The following RNF222 variants were observed in gnomAD, a reference collection of about 807,000 sequenced individuals.
RNF222 encodes the protein ring finger protein 222.
A neutral mutation model predicts 10.8 loss-of-function variants in RNF222; 14 were observed. The ratio of observed to expected loss-of-function variants is 1.30; its 90% CI spans 0.86 to 2.03. RNF222 has a LOEUF of 2.03. RNF222 is among the 30% of genes most tolerant of loss of function. RNF222 has a pLI of 0.00. For synonymous variants in RNF222, 141 were observed against 142.5 expected, an observed-to-expected ratio of 0.99 and a Z score of 0.07; for missense variants, 298 against 295.8, an observed-to-expected ratio of 1.01 and a Z score of -0.06.
chr17:8,393,366 G>C lies in RNF222; in HGVS notation c.96C>G (p.Ser32Arg), dbSNP rs561309839. The change falls in exon 3 of 3, where the codon AGC (serine) becomes AGG (arginine). Residue 32 changes from serine to arginine, a missense_variant. Physicochemically the swap from Ser to Arg is moderately radical, Grantham distance 110. Transcript: ENST00000399398. The stretch of plus-strand genomic sequence containing the variant: ...AGTCATGGCAGAACACATGGCCACA[G>C]CTCAGCGTCCGGCTGGCGCCCTCCA... The part of the protein sequence containing the change: ...RDLEGASRTL[S>R]CGHVFCHDCL... The C allele has an allele frequency of 5.8e-6, 9 of 1,551,720 alleles. No homozygotes were observed. In the Admixed American group the frequency reaches 1.4e-4, roughly 24 times the overall value.
rs1567711652 is a variant in RNF222, at chr17:8,393,123, G to C, written c.339C>G (p.Ser113=). Residue 113 remains serine (S), a synonymous_variant, in exon 3 of 3, where the codon TCC becomes TCG. Transcript: ENST00000399398. The part of the protein sequence containing the change: ...LGHTNPLAAS[S]PAWRPPPGQA... ...GGCCTGGAGGTGGCCTCCAGGCAGG[G>C]GAGGAGGCGGCCAGGGGGTTTGTGT... 1 of 1,533,054 alleles carries C rather than the reference G, an allele frequency of 6.5e-7. No homozygotes were observed. The highest frequency in any genetic ancestry group is 1.4e-5 in the African/African-American group (1 of 72,864). 95.0% of individuals were successfully genotyped at this position (1,533,054 alleles called of 1,614,324 possible).
At chr17:8,395,138 C>T (rs1275037035) in intron 1 of RNF222, among the ~76,000 whole-genome samples, 1 of 152,102 alleles carries the variant, frequency 6.6e-6, no homozygotes, top group Non-Finnish European at 1.5e-5. Flanking sequence ...TCTATTTTGC[C>T]GAGTTGAAAA....
chr17:8,393,537 C>T (rs745671370), intron 2 of RNF222, 51 bp from the exon 3 acceptor site: 14 of 1,481,110 alleles, frequency 9.5e-6, no homozygotes, highest in Non-Finnish European at 1.3e-5. Flanking sequence ...TTTCCCTCCC[C>T]CGTCCTAACT....
chr17:8,396,763 C>CTT (rs374036629), intron 1 of RNF222, among the ~76,000 whole-genome samples: 53 of 152,332 alleles, frequency 3.5e-4, no homozygotes, highest in African/African-American at 1.0e-3. Context: ...ACCCCTCCCT[C>CTT]TGCCTCTCTC....
rs551077740 is a variant in RNF222, at chr17:8,393,538, C to T, written c.-25-52G>A. 3.6e-5 allele frequency: 53 copies of T among 1,478,220 alleles called. No individual in the cohort carries two copies. The South Asian group carries it at 3.7e-4, about 10-fold the overall frequency. 91.6% of individuals were successfully genotyped at this position (1,478,220 alleles called of 1,614,324 possible). A position where few individuals can be genotyped will look rare whatever the true frequency, so the allele number is the denominator to read the frequency against. On this transcript the variant is annotated intron_variant, in intron 2 of 2. Coordinates refer to ENST00000399398, the MANE Select transcript of RNF222 (RefSeq NM_001146684.3). ...TGGGGCATTTCCTCTTTCCCTCCCC[C>T]GTCCTAACTCCCACCTACACCTCTG...
chr17:8,394,452 T>G (rs1300305099), intron 1 of RNF222, 123 bp from the exon 2 acceptor site: 1 of 151,988 alleles, frequency 6.6e-6, no homozygotes, highest in Admixed American at 6.6e-5. Flanking sequence ...TTTTTTTTTT[T>G]TTTGAGAGGG....
At chr17:8,396,267 G>T (rs919634227) in intron 1 of RNF222, among the ~76,000 whole-genome samples, 2 of 152,142 alleles carry the variant, frequency 1.3e-5, no homozygotes, top group Admixed American at 1.3e-4. Flanking sequence ...TGAGGTGACC[G>T]GTGAAGGTGA....
rs1907919819 is a variant in RNF222, at chr17:8,393,240, G to A, written c.222C>T (p.Ser74=). 4 of 1,551,032 alleles carry A rather than the reference G, an allele frequency of 2.6e-6. No individual in the cohort carries two copies. The African/African-American group carries it at 4.1e-5, about 16-fold the overall frequency. ...CRYVTFLSKK[S]SRWPSMLDKS... ...TGTCCAGCATGGAGGGCCAGCGGGA[G>A]CTCTTCTTGCTGAGGAATGTGACGT... Residue 74 remains serine (S), a synonymous_variant, in exon 3 of 3, where the codon AGC becomes AGT. Transcript: ENST00000399398.
In RNF222 at chr17:8,392,659, A is replaced by G; in HGVS notation, c.*140T>C. On this transcript the variant is annotated 3_prime_UTR_variant, in exon 3 of 3. Coordinates refer to ENST00000399398, the MANE Select transcript of RNF222 (RefSeq NM_001146684.3). The surrounding 1 kb of genome is among the most constrained non-coding windows in gnomAD (Gnocchi z 4.3). ...CGGAAGCCCCTGCGGGGGTCGGGGA[A>G]GCCCAAGGCCCTCTCTGTGCCCAGG... 3 of 1,077,126 alleles carry G rather than the reference A, an allele frequency of 2.8e-6. No individual in the cohort carries two copies. The highest frequency in any genetic ancestry group is 3.8e-6 in the Non-Finnish European group (3 of 779,568). 66.7% of individuals were successfully genotyped at this position (1,077,126 alleles called of 1,614,324 possible).
Position 8,393,396 on chromosome 17 carries a change from C to T in RNF222, c.66G>A (p.Arg22=). The T allele has an allele frequency of 6.4e-7, 1 of 1,551,684 alleles. No homozygotes were observed. Among genetic ancestry groups the T allele is most frequent in the Non-Finnish European group, 8.7e-7 (1 of 1,146,976 alleles). Reference sequence around the variant, plus strand: ...GCGTCCGGCTGGCGCCCTCCAGGTCCCGGAACTTCTCATAGCACACGGGGC... The same window carrying T: ...GCGTCCGGCTGGCGCCCTCCAGGTCTCGGAACTTCTCATAGCACACGGGGC... ...SECPVCYEKF[R]DLEGASRTLS... Residue 22 remains arginine (R), a synonymous_variant, in exon 3 of 3, where the codon CGG becomes CGA. Transcript: ENST00000399398.
intron 1 of RNF222, among the ~76,000 whole-genome samples, chr17:8,397,269 A>G (rs1908066379): frequency 6.6e-6 from 1 of 152,132 alleles, no homozygotes; most frequent in Non-Finnish European, 1.5e-5. Flanking sequence ...GTTTAGAGTG[A>G]CCCTAAACAA....
Position 8,393,113 on chromosome 17 carries a change from T to C in RNF222, c.349A>G (p.Arg117Gly), listed in dbSNP as rs1440706377. ...NPLAASSPAW[R>G]PPPGQARPPG... Reference sequence around the variant, plus strand: ...GGCCTGGCCTGGCCTGGAGGTGGCCTCCAGGCAGGGGAGGAGGCGGCCAGG... The same window carrying C: ...GGCCTGGCCTGGCCTGGAGGTGGCCCCCAGGCAGGGGAGGAGGCGGCCAGG... Residue 117 changes from arginine to glycine, a missense_variant, in exon 3 of 3, where the codon AGG becomes GGG. Transcript: ENST00000399398. 5 of 1,523,206 alleles carry C rather than the reference T, an allele frequency of 3.3e-6. No homozygotes were observed. The Admixed American group carries it at 8.2e-5, about 25-fold the overall frequency. The allele number at this position is 1,523,206 out of a possible 1,614,324, so 94.4% of individuals were successfully genotyped here.
chr17:8,396,142 A>G (rs1328783344), intron 1 of RNF222, among the ~76,000 whole-genome samples: 1 of 152,206 alleles, frequency 6.6e-6, no homozygotes, highest in Non-Finnish European at 1.5e-5. Flanking sequence ...CAAGGCTGAC[A>G]AGAAGAGCAA....
intron 1 of RNF222, among the ~76,000 whole-genome samples, chr17:8,396,640 C>T (rs1017268315): frequency 6.6e-6 from 1 of 152,132 alleles, no homozygotes; most frequent in African/African-American, 2.4e-5. Flanking sequence ...CAACGATGGC[C>T]TCTCTGGGCA....
Position 8,392,861 on chromosome 17 carries a change from C to A in RNF222, c.601G>T (p.Ala201Ser). The A allele has an allele frequency of 1.3e-6, 2 of 1,533,430 alleles. No individual in the cohort carries two copies. The highest frequency in any genetic ancestry group is 1.7e-6 in the Non-Finnish European group (2 of 1,146,322). The allele number at this position is 1,533,430 out of a possible 1,614,324, so 95.0% of individuals were successfully genotyped here. ...SRALLLITLI[A>S]VVAVVAAILP... is the part of the protein sequence containing the mutation. ...ATGGCGGCCACCACGGCCACCACAGCGATGAGCGTGATGAGCAGCAGGGCC... is the reference window on the plus strand; with the variant it reads ...ATGGCGGCCACCACGGCCACCACAGAGATGAGCGTGATGAGCAGCAGGGCC... The change falls in exon 3 of 3, where the codon GCT becomes TCT. Residue 201 changes from alanine (A) to serine (S), a missense_variant. By Grantham distance (99) the Ala-to-Ser change is moderately conservative (BLOSUM62 1). Coordinates refer to ENST00000399398, the MANE Select transcript of RNF222 (RefSeq NM_001146684.3). This position sits in a 1 kb window ranked among gnomAD's most constrained non-coding sequence, Gnocchi z 4.3.
At chr17:8,397,460 G>A (rs1435045158) in intron 1 of RNF222, among the ~76,000 whole-genome samples, 1 of 152,166 alleles carries the variant, frequency 6.6e-6, no homozygotes, top group Admixed American at 6.5e-5. Context: ...CAGCACAGGA[G>A]CCAGTGGGAC....
In RNF222 at chr17:8,393,207, G is replaced by C; in HGVS notation, c.255C>G (p.Ser85=). Residue 85 remains serine (S), a synonymous_variant, in exon 3 of 3, where the codon TCC becomes TCG. Coordinates refer to ENST00000399398, the MANE Select transcript of RNF222 (RefSeq NM_001146684.3). Reference sequence around the variant, plus strand: ...GGCCCACGGGCACAGCCAGCGTCTGGGAGCTCTTGTCCAGCATGGAGGGCC... The same window carrying C: ...GGCCCACGGGCACAGCCAGCGTCTGCGAGCTCTTGTCCAGCATGGAGGGCC... ...SRWPSMLDKS[S]QTLAVPVGLP... is the part of the protein sequence containing the mutation. 6.4e-7 allele frequency: 1 copy of C among 1,550,856 alleles called. No homozygotes were observed. Among genetic ancestry groups the C allele is most frequent in the Non-Finnish European group, 8.7e-7 (1 of 1,146,970 alleles).
rs781326127 is a variant in RNF222, at chr17:8,392,776, C to CGGCGGCCTCCCTGAGGTGCGG, written c.*2_*22dup. On this transcript the variant is annotated 3_prime_UTR_variant, in exon 3 of 3. Transcript: ENST00000399398. The surrounding 1 kb of genome is among the most constrained non-coding windows in gnomAD (Gnocchi z 4.3). ...GTCCCACCCCAGGCCACGGCTAGCC[C>CGGCGGCCTCCCTGAGGTGCGG]GGCGGCCTCCCTGAGGTGCGGCTCA... 7.4e-4 allele frequency: 1,128 copies of CGGCGGCCTCCCTGAGGTGCGG among 1,530,220 alleles called. 1 individual carries two copies. Among genetic ancestry groups the CGGCGGCCTCCCTGAGGTGCGG allele is most frequent in the Middle Eastern group, 9.2e-4 (4 of 4,346 alleles). The allele number at this position is 1,530,220 out of a possible 1,614,324, so 94.8% of individuals were successfully genotyped here.
chr17:8,392,745 C>A lies in RNF222; in HGVS notation c.*54G>T. 2 of 1,515,714 alleles carry A rather than the reference C, an allele frequency of 1.3e-6. No individual in the cohort carries two copies. The highest frequency in any genetic ancestry group is 8.8e-7 in the Non-Finnish European group (1 of 1,138,286). The allele number at this position is 1,515,714 out of a possible 1,614,324, so 93.9% of individuals were successfully genotyped here. A position where few individuals can be genotyped will look rare whatever the true frequency, so the allele number is the denominator to read the frequency against. ...TTGGTGGCACCAGGGCTGCCGTGGG[C>A]CTCCTGTCCCACCCCAGGCCACGGC... On this transcript the variant is annotated 3_prime_UTR_variant, in exon 3 of 3. Coordinates refer to ENST00000399398, the MANE Select transcript of RNF222 (RefSeq NM_001146684.3). The surrounding 1 kb of genome is among the most constrained non-coding windows in gnomAD (Gnocchi z 4.3).
Sources: gnomAD v4.1 joint callset for allele counts (sites outside exome capture counted in the v4.1 genomes callset) on GRCh38, gnomAD v4.1.1 for gene constraint, Gnocchi (gnomAD v3.1) non-coding constraint, MANE v1.5 for transcripts, NCBI Gene and HGNC (gene_info 2026-07-23, HGNC 2026-07-21) for gene names.